The following NEBL variants were observed in gnomAD, a reference collection of about 807,000 sequenced individuals.
NEBL encodes the protein LIM and SH3 protein 2.
NEBL carries 122 observed loss-of-function variants against 140.2 expected under a neutral mutation model. The ratio of observed to expected loss-of-function variants is 0.87; its 90% CI spans 0.75 to 1.01. The LOEUF (loss-of-function observed/expected upper bound fraction) is 1.01, where lower values mean the gene tolerates loss of function less well. NEBL is among the 50% of genes least tolerant of loss of function. The pLI is 0.00. For missense variants in NEBL, 1,365 were observed against 1,231.3 expected (o/e 1.11, Z -1.62); for synonymous variants, 436 against 398.9 (o/e 1.09, Z -1.11).
chr10:20,986,300 AAC>A (rs1319068444), intron 3 of NEBL, among the ~76,000 whole-genome samples: 1 of 152,216 alleles, frequency 6.6e-6, no homozygotes, highest in Non-Finnish European at 1.5e-5. Flanking sequence ...CTCCAAAACA[AAC>A]ACAGATTTTA....
At chr10:20,796,902 C>G (rs111569391) in intron 26 of NEBL, among the ~76,000 whole-genome samples, 1 of 152,104 alleles carries the variant, frequency 6.6e-6, no homozygotes, top group Non-Finnish European at 1.5e-5. Flanking sequence ...TGTCTGTGTG[C>G]ACATGAACAC....
At chr10:21,036,317 G>A (rs1834014989) in intron 2 of NEBL, among the ~76,000 whole-genome samples, 1 of 152,038 alleles carries the variant, frequency 6.6e-6, no homozygotes, top group South Asian at 2.1e-4. Flanking sequence ...AGCCAGGCGT[G>A]CTGGTGTACA....
At chr10:20,953,033 A>G (rs1274833645) in intron 4 of NEBL, among the ~76,000 whole-genome samples, 2 of 152,172 alleles carry the variant, frequency 1.3e-5, no homozygotes, top group African/African-American at 4.8e-5. Flanking sequence ...GCACATTCAC[A>G]AAGTGTATGT....
chr10:21,142,325 G>C (rs1450830361), intron 2 of NEBL, among the ~76,000 whole-genome samples: 1 of 152,076 alleles, frequency 6.6e-6, no homozygotes, highest in Non-Finnish European at 1.5e-5. Context: ...CCTATGTACT[G>C]CAGCCACACA....
intron 3 of NEBL, among the ~76,000 whole-genome samples, chr10:21,002,557 A>T (rs1837950290): frequency 6.6e-6 from 1 of 152,218 alleles, no homozygotes; most frequent in Non-Finnish European, 1.5e-5. Context: ...GTAATTTATA[A>T]AGACAAGAGG....
intron 7 of NEBL, among the ~76,000 whole-genome samples, chr10:20,865,518 C>T (rs72785594): frequency 0.053 from 8,126 of 152,236 alleles, 275 homozygotes; most frequent in Non-Finnish European, 0.086. Context: ...CCAAACCATA[C>T]TGCTTCTCCG....
chr10:21,175,510 A>G (rs1841278817), upstream of NEBL, among the ~76,000 whole-genome samples: 1 of 152,258 alleles, frequency 6.6e-6, no homozygotes, highest in East Asian at 1.9e-4. Flanking sequence ...TCAAAAAAAT[A>G]TCATGGCTGC....
intron 4 of NEBL, among the ~76,000 whole-genome samples, chr10:20,956,367 CT>C (rs1026424388): frequency 6.6e-6 from 1 of 152,112 alleles, no homozygotes; most frequent in African/African-American, 2.4e-5. Flanking sequence ...TGCCCTATCA[CT>C]TTCTCTTTTT....
intron 26 of NEBL, among the ~76,000 whole-genome samples, chr10:20,797,578 G>T (rs7071726): frequency 0.018 from 2,779 of 152,208 alleles, 99 homozygotes; most frequent in African/African-American, 0.065. Flanking sequence ...AGAAATACGA[G>T]AAAGTAAATG....
chr10:21,267,578 A>T (rs906504380), intron 1 of NEBL, among the ~76,000 whole-genome samples: 1 of 152,136 alleles, frequency 6.6e-6, no homozygotes, highest in African/African-American at 2.4e-5. Context: ...CTCACGCAAG[A>T]CTTCTCCTTG....
At chr10:21,239,315 C>A (rs1393368283) in intron 3 of NEBL, among the ~76,000 whole-genome samples, 1 of 151,982 alleles carries the variant, frequency 6.6e-6, no homozygotes, top group Non-Finnish European at 1.5e-5. Flanking sequence ...ATAGTTTACT[C>A]TTCATTAAAC....
chr10:20,911,141 G>A (rs1276862602), intron 4 of NEBL, among the ~76,000 whole-genome samples: 2 of 152,044 alleles, frequency 1.3e-5, no homozygotes, highest in East Asian at 3.9e-4. Context: ...TCCAGCCTGG[G>A]CAACAAAACA....
At chr10:21,225,552 A>G (rs1842133580) in intron 3 of NEBL, among the ~76,000 whole-genome samples, 1 of 152,118 alleles carries the variant, frequency 6.6e-6, no homozygotes, top group South Asian at 2.1e-4. Context: ...TTAGGAATCT[A>G]CCTGGTGCTC....
intron 3 of NEBL, among the ~76,000 whole-genome samples, chr10:21,011,639 C>G (rs1838341437): frequency 6.7e-6 from 1 of 150,178 alleles, no homozygotes; most frequent in Admixed American, 6.6e-5. Flanking sequence ...CTGTTGGCAT[C>G]TGTGGCTGGC....
chr10:20,796,440 G>GA (rs1836553556), intron 26 of NEBL, among the ~76,000 whole-genome samples: 2 of 132,230 alleles, frequency 1.5e-5, no homozygotes, highest in East Asian at 2.4e-4. Context: ...CCTAAATATT[G>GA]AAAAAACACA....
chr10:20,936,769 T>C (rs1834513134), intron 4 of NEBL, among the ~76,000 whole-genome samples: 1 of 152,354 alleles, frequency 6.6e-6, no homozygotes, highest in South Asian at 2.1e-4. Flanking sequence ...AATTATTGCC[T>C]TTTCTGACCT....
chr10:21,158,520 G>C (rs893898935), intron 2 of NEBL, among the ~76,000 whole-genome samples: 2 of 152,148 alleles, frequency 1.3e-5, no homozygotes, highest in African/African-American at 4.8e-5. Flanking sequence ...AGGAAACCGA[G>C]GGATGGTGAG....
intron 2 of NEBL, among the ~76,000 whole-genome samples, chr10:21,033,306 G>A (rs555784492): frequency 2.0e-5 from 3 of 152,266 alleles, no homozygotes; most frequent in South Asian, 2.1e-4. Context: ...GATCACATTC[G>A]ATTCCTTTGA....
At chr10:21,150,987 A>G (rs74405548) in intron 2 of NEBL, among the ~76,000 whole-genome samples, 1 of 152,188 alleles carries the variant, frequency 6.6e-6, no homozygotes, top group Non-Finnish European at 1.5e-5. Flanking sequence ...ATTAATGACC[A>G]CCACTCAGAA....
Sources: gnomAD v4.1 joint callset for allele counts (sites outside exome capture counted in the v4.1 genomes callset) on GRCh38, gnomAD v4.1.1 for gene constraint, MANE v1.5 for transcripts, NCBI Gene and HGNC (gene_info 2026-07-23, HGNC 2026-07-21) for gene names.